Variants in CCDC7 observed in about 807,000 individuals in gnomAD.
CCDC7 encodes coiled-coil domain-containing protein 7.
In CCDC7, 183 loss-of-function variants were observed where a neutral mutation model predicts 196.9. That is an observed-to-expected ratio of 0.93 (90% CI 0.82 to 1.05). The LOEUF is 1.05. CCDC7 is among the 50% of genes least tolerant of loss of function. The pLI, the probability that CCDC7 is intolerant of heterozygous loss-of-function variation, is 0.00. For synonymous variants in CCDC7, 525 were observed against 484.6 expected (o/e 1.08, Z -1.10); for missense variants, 1,540 against 1,482.2 (o/e 1.04, Z -0.64).
chr10:32,672,753 TATGCTGACCTCAC>T (rs2074283100), intron 21 of CCDC7, among the ~76,000 whole-genome samples: 1 of 152,136 alleles, frequency 6.6e-6, no homozygotes, highest in Admixed American at 6.6e-5. Context: ...GTGTCTAAGA[TATGCTGACCTCAC>T]CAGAGATCCT....
intron 1 of CCDC7, among the ~76,000 whole-genome samples, chr10:32,453,068 A>G (rs1185311538): frequency 6.6e-6 from 1 of 152,168 alleles, no homozygotes; most frequent in East Asian, 1.9e-4. Context: ...CCACTCATGG[A>G]CAGGCCCTCT....
exon 36 of CCDC7, chr10:32,845,916 TATA>T (rs1171741158): frequency 1.2e-6 from 2 of 1,612,260 alleles, no homozygotes; most frequent in Middle Eastern, 1.6e-4. Flanking sequence ...TTGGAAGAGG[TATA>T]ATAATAGGGC....
rs1334474091 is a variant in CCDC7 at position 32,506,621 on chromosome 10, G to A, written c.873-11324G>A. On this transcript the variant is annotated intron_variant, in intron 9 of 41. Transcript: ENST00000639629. ...AATCCCAGCACCTCGGGAGGCCGAG[G>A]GGGGCAGATCACTCAAGGCCAGGAG... 2.0e-5 allele frequency among the ~76,000 whole-genome samples: 3 copies of A among 152,242 alleles called. 1 individual carries two copies. The highest frequency in any genetic ancestry group is 4.1e-4 in the South Asian group (2 of 4,838).
intron 29 of CCDC7, among the ~76,000 whole-genome samples, chr10:32,782,801 A>G (rs1377502849): frequency 6.6e-6 from 1 of 152,234 alleles, no homozygotes; most frequent in Non-Finnish European, 1.5e-5. Flanking sequence ...TAAAGCAGAC[A>G]TACAGACCAA....
At chr10:32,749,255 G>C (rs1264546796) in intron 28 of CCDC7, among the ~76,000 whole-genome samples, 3 of 152,088 alleles carry the variant, frequency 2.0e-5, no homozygotes, top group African/African-American at 7.2e-5. Context: ...CAGTTTCTGA[G>C]ATTTTTACAT....
intron 40 of CCDC7, among the ~76,000 whole-genome samples, chr10:32,853,726 ACTTCT>A (rs1213411416): frequency 6.6e-6 from 1 of 152,170 alleles, no homozygotes; most frequent in African/African-American, 2.4e-5. Context: ...GGGACTATAA[ACTTCT>A]TTTTAAATAA....
chr10:32,541,673 T>C (rs1435841088), intron 11 of CCDC7, among the ~76,000 whole-genome samples: 1 of 152,204 alleles, frequency 6.6e-6, no homozygotes, highest in Non-Finnish European at 1.5e-5. Flanking sequence ...GTGACATTGG[T>C]GCTGGTCTGC....
chr10:32,595,900 C>T (rs2060288838), intron 18 of CCDC7, among the ~76,000 whole-genome samples: 1 of 152,200 alleles, frequency 6.6e-6, no homozygotes, highest in Non-Finnish European at 1.5e-5. Flanking sequence ...GCTCTGTGGT[C>T]TGAGAGACAA....
intron 18 of CCDC7, among the ~76,000 whole-genome samples, chr10:32,601,555 G>A (rs2061004450): frequency 6.6e-6 from 1 of 152,138 alleles, no homozygotes; most frequent in African/African-American, 2.4e-5. Flanking sequence ...AAGCCAGCTG[G>A]ACTTCCTGGG....
chr10:32,721,050 A>G (rs1196383554), intron 25 of CCDC7, among the ~76,000 whole-genome samples: 3 of 152,130 alleles, frequency 2.0e-5, no homozygotes, highest in African/African-American at 7.2e-5. Flanking sequence ...CTGTGTTCAC[A>G]CAACTGTGCT....
intron 20 of CCDC7, among the ~76,000 whole-genome samples, chr10:32,654,443 T>C (rs1217226317): frequency 6.6e-6 from 1 of 152,230 alleles, no homozygotes; most frequent in African/African-American, 2.4e-5. Context: ...GAAAATTAGA[T>C]TACTCTTCTT....
Position 32,492,741 on chromosome 10 carries a change from G to A in CCDC7, c.872+744G>A, listed in dbSNP as rs114234355. Among the ~76,000 whole-genome samples, 1,306 of 152,158 alleles carry A rather than the reference G, an allele frequency of 8.6e-3. 28 individuals carry two copies. The highest frequency in any genetic ancestry group is 0.029 in the African/African-American group (1,205 of 41,528). ...ACACAAAGCTTCAGTTTTACATGAG[G>A]AGAAGAGTTCTGGAGATTGGTTGTA... is the stretch of plus-strand genomic sequence containing the variant. On this transcript the variant is annotated intron_variant, in intron 9 of 41. Coordinates refer to ENST00000639629, the Ensembl canonical transcript of CCDC7.
At chr10:32,678,983 C>T (rs1186660463) in intron 21 of CCDC7, among the ~76,000 whole-genome samples, 2 of 151,942 alleles carry the variant, frequency 1.3e-5, no homozygotes, top group Non-Finnish European at 2.9e-5. Flanking sequence ...TACATCAATC[C>T]CCCTATTTTA....
chr10:32,729,116 A>C, intron 27 of CCDC7, 119 bp downstream of exon 28: 1 of 859,090 alleles, frequency 1.2e-6, no homozygotes, highest in Non-Finnish European at 1.8e-6. Flanking sequence ...ACTTTGACCT[A>C]AAGTGTGAAT....
At chr10:32,558,304 A>G (rs1283868663) in intron 13 of CCDC7, among the ~76,000 whole-genome samples, 4 of 152,144 alleles carry the variant, frequency 2.6e-5, no homozygotes, top group East Asian at 3.8e-4. Flanking sequence ...AATTAACACT[A>G]TTCGATTTAA....
chr10:32,701,374 A>T (rs1321375607), intron 24 of CCDC7, among the ~76,000 whole-genome samples: 2 of 152,132 alleles, frequency 1.3e-5, no homozygotes, highest in Non-Finnish European at 2.9e-5. Context: ...AGCCCATTTG[A>T]TCATGGTGGA....
At chr10:32,826,950 T>C (rs1050915510) in intron 32 of CCDC7, among the ~76,000 whole-genome samples, 1 of 152,178 alleles carries the variant, frequency 6.6e-6, no homozygotes, top group East Asian at 1.9e-4. Context: ...GAAAGAAGCA[T>C]GATTGAAAAA....
intron 11 of CCDC7, among the ~76,000 whole-genome samples, chr10:32,526,229 G>A (rs79319013): frequency 0.13 from 20,419 of 152,146 alleles, 1,623 homozygotes; most frequent in African/African-American, 0.23. Flanking sequence ...TGTACACACC[G>A]TTGATGCTGA....
chr10:32,500,563 C>T (rs1227379289), intron 9 of CCDC7, among the ~76,000 whole-genome samples: 1 of 139,556 alleles, frequency 7.2e-6, no homozygotes, highest in African/African-American at 2.7e-5. Context: ...ACTTCCCAGA[C>T]TGGGCGGCCG....
Sources: allele counts gnomAD v4.1 joint callset (sites outside exome capture counted in the v4.1 genomes callset), GRCh38; gene constraint gnomAD v4.1.1; transcripts MANE v1.5; gene names NCBI Gene and HGNC (gene_info 2026-07-23, HGNC 2026-07-21).